STX6: variants seen among roughly 807,000 people sequenced by gnomAD.
The protein encoded by STX6 is syntaxin 6.
A neutral mutation model predicts 38.0 loss-of-function variants in STX6; 23 were observed. That is an observed-to-expected ratio of 0.60 (90% CI 0.43 to 0.86). The LOEUF is 0.86. Among genes scored for constraint, STX6 ranks in the 40% least tolerant of loss-of-function variants. The probability of loss-of-function intolerance (pLI) is 0.00; values close to 1 mark genes in which losing one functional copy is unlikely to be tolerated. For synonymous variants in STX6, 123 were observed against 107.5 expected (o/e 1.14, Z -0.89); for missense variants, 274 against 312.9 (o/e 0.88, Z 0.94).
Position 180,973,371 on chromosome 1 carries a change from T to C in STX6, c.*3199A>G, listed in dbSNP as rs945260955. The C allele has an allele frequency of 6.6e-6, 1 of 152,654 alleles. No individual in the cohort carries two copies. The highest frequency in any genetic ancestry group is 2.4e-5 in the African/African-American group (1 of 41,464). 9.5% of individuals were successfully genotyped at this position (152,654 alleles called of 1,614,324 possible). Reference sequence around the variant, plus strand: ...CAGATATCCCTTTGGTCTCACTTTATAGACAGGGAAATTACCAAAAGAAAA... The same window carrying C: ...CAGATATCCCTTTGGTCTCACTTTACAGACAGGGAAATTACCAAAAGAAAA... On this transcript the variant is annotated 3_prime_UTR_variant, in exon 8 of 8. Transcript: ENST00000258301.
At position 180,990,125 on chromosome 1, in the gene STX6, A is replaced by C. The variant is rs762570401; in HGVS notation, c.364-16T>G. The C allele has an allele frequency of 2.3e-5, 37 of 1,613,938 alleles. No individual in the cohort carries two copies. Among genetic ancestry groups the C allele is most frequent in the Non-Finnish European group, 2.9e-5 (34 of 1,179,986 alleles). Reference sequence around the variant, plus strand: ...CCAGCAGTGCCTGTGTGAGAAGAACAACCAGAGGAGTCAGGAGAAACAAAC... The same window carrying C: ...CCAGCAGTGCCTGTGTGAGAAGAACCACCAGAGGAGTCAGGAGAAACAAAC... On this transcript the variant is annotated splice_polypyrimidine_tract_variant and intron_variant, in intron 4 of 7. Coordinates refer to ENST00000258301, the MANE Select transcript of STX6 (RefSeq NM_005819.6).
chr1:181,011,874 C>T (rs568382399), intron 1 of STX6, among the ~76,000 whole-genome samples: 1 of 152,364 alleles, frequency 6.6e-6, no homozygotes, highest in South Asian at 2.1e-4. Flanking sequence ...TTGAGGAGCA[C>T]TTCCCGTTGA....
chr1:180,991,316 G>A (rs1655752255), intron 4 of STX6, among the ~76,000 whole-genome samples: 1 of 152,184 alleles, frequency 6.6e-6, no homozygotes, highest in African/African-American at 2.4e-5. Context: ...CAGATCCAAG[G>A]CTTTTTGTGG....
At position 181,016,943 on chromosome 1, in the gene STX6, C is replaced by T. The variant is rs144051979; in HGVS notation, c.35+5696G>A. On this transcript the variant is annotated intron_variant, in intron 1 of 7. Transcript: ENST00000258301. ...CTCTACTAAAAATACAAAAACTATCCGGGCGTGATGGCGGGCTACTCGGGA... is the reference window on the plus strand; with the variant it reads ...CTCTACTAAAAATACAAAAACTATCTGGGCGTGATGGCGGGCTACTCGGGA... Among the ~76,000 whole-genome samples the T allele has an allele frequency of 3.7e-3, 565 of 151,078 alleles. 2 individuals carry two copies. Among genetic ancestry groups the T allele is most frequent in the African/African-American group, 0.012 (510 of 41,098 alleles).
At chr1:181,013,475 C>T (rs537128119) in intron 1 of STX6, among the ~76,000 whole-genome samples, 60 of 152,276 alleles carry the variant, frequency 3.9e-4, no homozygotes, top group Admixed American at 4.6e-4. Flanking sequence ...CACACTACCA[C>T]GCCAAGCTAA....
intron 1 of STX6, among the ~76,000 whole-genome samples, chr1:181,008,951 A>G (rs1280001483): frequency 6.6e-6 from 1 of 152,012 alleles, no homozygotes; most frequent in Non-Finnish European, 1.5e-5. Flanking sequence ...GCGGGGGGAA[A>G]ACAGCTATTT....
At chr1:181,008,727 G>GTTTTTTTT (rs55654509) in intron 1 of STX6, among the ~76,000 whole-genome samples, 2 of 108,702 alleles carry the variant, frequency 1.8e-5, no homozygotes, top group Admixed American at 1.1e-4. Context: ...TTCCAAAATT[G>GTTTTTTTT]TTTTTTTTTT....
chr1:180,990,873 G>A (rs79852108), intron 4 of STX6, among the ~76,000 whole-genome samples: 5,386 of 152,302 alleles, frequency 0.035, 139 homozygotes, highest in Non-Finnish European at 0.052. Context: ...CTCACATGAA[G>A]AAGACAGGCA....
At chr1:181,005,896 A>G (rs4652549) in intron 1 of STX6, among the ~76,000 whole-genome samples, 47,190 of 151,974 alleles carry the variant, frequency 0.31, 7,765 homozygotes, top group Non-Finnish European at 0.36. Flanking sequence ...GAGGAATGAG[A>G]ATGCTGGAGG....
rs1383896514 is a variant in STX6 at position 180,987,800 on chromosome 1, TA to T, written c.596+438del. ...TGGCGTTAAATTTGTAAGTTTTTTTTAAAAAAAAAAAACAAAGTTACAATAA... is the reference window on the plus strand; with the variant it reads ...TGGCGTTAAATTTGTAAGTTTTTTTTAAAAAAAAAAACAAAGTTACAATAA... On this transcript the variant is annotated intron_variant, in intron 6 of 7. Transcript: ENST00000258301. 2.4e-3 allele frequency: 336 copies of T among 142,894 alleles called. 1 individual carries two copies. Among genetic ancestry groups the T allele is most frequent in the African/African-American group, 7.7e-3 (286 of 37,090 alleles). 8.9% of individuals were successfully genotyped at this position (142,894 alleles called of 1,614,324 possible). A position where few individuals can be genotyped will look rare whatever the true frequency, so the allele number is the denominator to read the frequency against.
chr1:180,972,839 C>A lies in STX6; in HGVS notation c.*3731G>T. On this transcript the variant is annotated 3_prime_UTR_variant, in exon 8 of 8. Transcript: ENST00000258301. ...GATCGGAGCTACTGAAAGGTACCTGCTTTCAGCAAATTCTGGTTTGGTTTT... is the reference window on the plus strand; with the variant it reads ...GATCGGAGCTACTGAAAGGTACCTGATTTCAGCAAATTCTGGTTTGGTTTT... 1 of 209,306 alleles carries A rather than the reference C, an allele frequency of 4.8e-6. No individual in the cohort carries two copies. Among genetic ancestry groups the A allele is most frequent in the Non-Finnish European group, 9.9e-6 (1 of 100,570 alleles). 13.0% of individuals were successfully genotyped at this position (209,306 alleles called of 1,614,324 possible). A position where few individuals can be genotyped will look rare whatever the true frequency, so the allele number is the denominator to read the frequency against.
Position 180,993,361 on chromosome 1 carries a change from A to C in STX6, c.363+2T>G. The C allele has an allele frequency of 6.6e-7, 1 of 1,521,246 alleles. No individual in the cohort carries two copies. The highest frequency in any genetic ancestry group is 9.1e-7 in the Non-Finnish European group (1 of 1,097,054). The allele number at this position is 1,521,246 out of a possible 1,614,324, so 94.2% of individuals were successfully genotyped here. On this transcript the variant is annotated splice_donor_variant, in intron 4 of 7. Coordinates refer to ENST00000258301, the MANE Select transcript of STX6 (RefSeq NM_005819.6). LOFTEE classifies it high-confidence loss of function. ...GATAATTATATTCTGATGTTTTCTC[A>C]CCTGTCTATTTTTTCTTTCAGCTAA...
chr1:181,019,358 A>AG (rs1656660591), intron 1 of STX6, among the ~76,000 whole-genome samples: 2 of 152,024 alleles, frequency 1.3e-5, no homozygotes, highest in Non-Finnish European at 2.9e-5. Flanking sequence ...CAGAGGAAAA[A>AG]AAAAAAAAAA....
chr1:180,975,594 A>G lies in STX6; in HGVS notation c.*976T>C, dbSNP rs2102296345. ...TTACGTTTCTTAATAAATGTAATAA[A>G]TGTACTAACCACTCCCAACCCCAAC... On this transcript the variant is annotated 3_prime_UTR_variant, in exon 8 of 8. Transcript: ENST00000258301. The G allele has an allele frequency of 6.6e-6, 1 of 152,546 alleles. No homozygotes were observed. Among genetic ancestry groups the G allele is most frequent in the Non-Finnish European group, 1.5e-5 (1 of 68,040 alleles). 9.4% of individuals were successfully genotyped at this position (152,546 alleles called of 1,614,324 possible).
chr1:180,981,462 G>C (rs1010447552), intron 7 of STX6, among the ~76,000 whole-genome samples: 1 of 151,946 alleles, frequency 6.6e-6, no homozygotes, highest in South Asian at 2.1e-4. Context: ...CTCCAACCCC[G>C]CCCTCAACCT....
Position 180,975,980 on chromosome 1 carries a change from C to G in STX6, c.*590G>C, listed in dbSNP as rs530087658. 1 of 152,600 alleles carries G rather than the reference C, an allele frequency of 6.6e-6. No homozygotes were observed. Among genetic ancestry groups the G allele is most frequent in the African/African-American group, 2.4e-5 (1 of 41,440 alleles). 9.5% of individuals were successfully genotyped at this position (152,600 alleles called of 1,614,324 possible). A position where few individuals can be genotyped will look rare whatever the true frequency, so the allele number is the denominator to read the frequency against. On this transcript the variant is annotated 3_prime_UTR_variant, in exon 8 of 8. Coordinates refer to ENST00000258301, the MANE Select transcript of STX6 (RefSeq NM_005819.6). The stretch of plus-strand genomic sequence containing the variant: ...CACAAAAAAAAATGACCTGGAAAAG[C>G]AATTTTATCTTAGCATTTATCCCTG...
At position 180,974,757 on chromosome 1, in the gene STX6, C is replaced by CTTTGTT. The variant is rs1655203802; in HGVS notation, c.*1812_*1813insAACAAA. Reference sequence around the variant, plus strand: ...TCAAACTTTGTAAAACATAAATAACCTAGTACTCTAAACATCTGAAGCCCT... The same window carrying CTTTGTT: ...TCAAACTTTGTAAAACATAAATAACCTTTGTTTAGTACTCTAAACATCTGAAGCCCT... On this transcript the variant is annotated 3_prime_UTR_variant, in exon 8 of 8. Coordinates refer to ENST00000258301, the MANE Select transcript of STX6 (RefSeq NM_005819.6). 1 of 152,574 alleles carries CTTTGTT rather than the reference C, an allele frequency of 6.6e-6. No individual in the cohort carries two copies. The highest frequency in any genetic ancestry group is 1.5e-5 in the Non-Finnish European group (1 of 68,030). 9.5% of individuals were successfully genotyped at this position (152,574 alleles called of 1,614,324 possible). A position where few individuals can be genotyped will look rare whatever the true frequency, so the allele number is the denominator to read the frequency against.
intron 3 of STX6, among the ~76,000 whole-genome samples, chr1:180,999,153 G>A (rs545340236): frequency 6.6e-6 from 1 of 152,304 alleles, no homozygotes; most frequent in Admixed American, 6.5e-5. Context: ...TTCATGGAGA[G>A]GGTAATAGTT....
chr1:181,000,983 T>C (rs532431331), intron 3 of STX6, among the ~76,000 whole-genome samples: 6 of 152,146 alleles, frequency 3.9e-5, no homozygotes, highest in African/African-American at 1.4e-4. Flanking sequence ...TATTTTGAAC[T>C]GGCTAGAAAT....
Sources: allele counts gnomAD v4.1 joint callset (sites outside exome capture counted in the v4.1 genomes callset), GRCh38; gene constraint gnomAD v4.1.1; transcripts MANE v1.5; gene names NCBI Gene and HGNC (gene_info 2026-07-23, HGNC 2026-07-21).